KLRF1: variants seen among roughly 807,000 people sequenced by gnomAD.
The protein encoded by KLRF1 is killer cell lectin like receptor F1, also known as killer cell lectin-like receptor subfamily F member 1.
Under a neutral mutation model 30.7 loss-of-function variants are expected in KLRF1, and 27 were observed. The ratio of observed to expected loss-of-function variants is 0.88; its 90% CI spans 0.65 to 1.21. KLRF1 has a LOEUF of 1.21. KLRF1 is among the 50% of genes most tolerant of loss of function. The pLI is 0.00. For missense variants in KLRF1, 246 were observed against 259.3 expected (o/e 0.95, Z 0.35); for synonymous variants, 92 against 89.3 (o/e 1.03, Z -0.17).
At chr12:9,840,956 C>T (rs996106142) in intron 3 of KLRF1, among the ~76,000 whole-genome samples, 1 of 152,078 alleles carries the variant, frequency 6.6e-6, no homozygotes, top group Non-Finnish European at 1.5e-5. Context: ...TGGGTATATA[C>T]CCAAAGGAAC....
chr12:9,827,622 A>T lies in KLRF1; in HGVS notation c.78A>T (p.Thr26=), dbSNP rs1193781103. 1 of 1,586,448 alleles carries T rather than the reference A, an allele frequency of 6.3e-7. No individual in the cohort carries two copies. Among genetic ancestry groups the T allele is most frequent in the Admixed American group, 1.7e-5 (1 of 59,504 alleles). ...KRSSAQTSQL[T]FKDYSVTLHW... is the part of the protein sequence containing the mutation. ...GTTCTGCCCAAACATCTCAACTTAC[A>T]TTTAAAGGTATGGAATTTAATTTCA... Residue 26 remains threonine, a synonymous_variant, in exon 1 of 6, where the codon ACA becomes ACT. Coordinates refer to ENST00000617889, the MANE Select transcript of KLRF1 (RefSeq NM_016523.3).
At chr12:9,804,698 T>G in the KLRF1 span, among the ~76,000 whole-genome samples, 1 of 152,076 alleles carries the variant, frequency 6.6e-6, no homozygotes, top group African/African-American at 2.4e-5. Flanking sequence ...TGAGAGTAGA[T>G]ATCCTTGTCT....
the KLRF1 span, among the ~76,000 whole-genome samples, chr12:9,807,974 T>C: frequency 6.6e-6 from 1 of 152,116 alleles, no homozygotes; most frequent in African/African-American, 2.4e-5. Context: ...GTTGGGACAT[T>C]TCAACTTACA....
chr12:9,842,490 C>T (rs986263096), intron 5 of KLRF1, 57 bp downstream of exon 5: 71 of 1,497,416 alleles, frequency 4.7e-5, no homozygotes, highest in Non-Finnish European at 6.0e-5. Flanking sequence ...TATGTCTCCT[C>T]CAGGTTCACC....
upstream of KLRF1, chr12:9,827,414 A>G (rs1168692209): frequency 3.8e-6 from 2 of 519,654 alleles, no homozygotes; most frequent in East Asian, 3.2e-5. Flanking sequence ...GTGAACCCTC[A>G]TATGTACTGT....
At chr12:9,840,288 G>A (rs1472612171) in intron 3 of KLRF1, among the ~76,000 whole-genome samples, 1 of 152,034 alleles carries the variant, frequency 6.6e-6, no homozygotes, top group Non-Finnish European at 1.5e-5. Context: ...AACATTGTGG[G>A]TGTATTAAAA....
upstream of KLRF1, among the ~76,000 whole-genome samples, chr12:9,826,768 G>A (rs766094544): frequency 1.3e-5 from 2 of 152,258 alleles, no homozygotes; most frequent in East Asian, 1.9e-4. Flanking sequence ...ACTAATGGAG[G>A]AACAGAAAAC....
upstream of KLRF1, among the ~76,000 whole-genome samples, chr12:9,826,525 T>C (rs1259064863): frequency 1.3e-5 from 2 of 152,176 alleles, no homozygotes; most frequent in African/African-American, 4.8e-5. Context: ...CCATTACTGG[T>C]ATATACCCAA....
upstream of KLRF1, among the ~76,000 whole-genome samples, chr12:9,825,553 A>G (rs1867270620): frequency 1.3e-5 from 2 of 152,204 alleles, no homozygotes. Flanking sequence ...CAAAATATAA[A>G]AAACCCTGGA....
rs1867781687 is a variant in KLRF1 at position 9,844,998 on chromosome 12, T to G, written c.*472T>G. ...AGCTACAATAAACATCCTGAATGTTTTCTTAAATAGTAGCACCTTTATTTC... is the reference window on the plus strand; with the variant it reads ...AGCTACAATAAACATCCTGAATGTTGTCTTAAATAGTAGCACCTTTATTTC... On this transcript the variant is annotated 3_prime_UTR_variant, in exon 6 of 6. Coordinates refer to ENST00000617889, the MANE Select transcript of KLRF1 (RefSeq NM_016523.3). The G allele has an allele frequency of 6.6e-6, 1 of 152,220 alleles. No individual in the cohort carries two copies. The highest frequency in any genetic ancestry group is 1.5e-5 in the Non-Finnish European group (1 of 68,056). The allele number at this position is 152,220 out of a possible 1,614,324, so 9.4% of individuals were successfully genotyped here.
chr12:9,810,026 T>C, the KLRF1 span, among the ~76,000 whole-genome samples: 1 of 152,174 alleles, frequency 6.6e-6, no homozygotes, highest in Non-Finnish European at 1.5e-5. Context: ...CTAAATTTCA[T>C]CATTAAATCA....
chr12:9,822,600 G>T (rs763613369), upstream of KLRF1, among the ~76,000 whole-genome samples: 1 of 152,150 alleles, frequency 6.6e-6, no homozygotes, highest in Non-Finnish European at 1.5e-5. Context: ...ACAATGACAG[G>T]ATCAAATCCA....
the KLRF1 span, among the ~76,000 whole-genome samples, chr12:9,818,266 A>C: frequency 6.6e-6 from 1 of 152,152 alleles, no homozygotes; most frequent in African/African-American, 2.4e-5. Context: ...AGGATGTATC[A>C]ATTCTCCTCT....
chr12:9,837,241 CATA>C (rs1408398166), intron 3 of KLRF1, among the ~76,000 whole-genome samples: 2 of 151,930 alleles, frequency 1.3e-5, no homozygotes, highest in Non-Finnish European at 2.9e-5. Context: ...TTTCACTTAG[CATA>C]ATGTTTTTAA....
intron 3 of KLRF1, among the ~76,000 whole-genome samples, chr12:9,836,111 A>G (rs1481101224): frequency 6.6e-6 from 1 of 152,034 alleles, no homozygotes; most frequent in Non-Finnish European, 1.5e-5. Context: ...TGGCTAGGAG[A>G]GAATAAGTAA....
the KLRF1 span, among the ~76,000 whole-genome samples, chr12:9,810,052 G>A: frequency 6.6e-6 from 1 of 152,154 alleles, no homozygotes; most frequent in African/African-American, 2.4e-5. Context: ...ACTCAGAGTT[G>A]TGAATGACAA....
the KLRF1 span, among the ~76,000 whole-genome samples, chr12:9,809,260 A>G: frequency 6.6e-6 from 1 of 152,208 alleles, no homozygotes; most frequent in Non-Finnish European, 1.5e-5. Context: ...GTGTGAAGTA[A>G]TGAATTTTAG....
the KLRF1 span, chr12:9,817,537 AT>A: frequency 2.8e-6 from 1 of 362,160 alleles, no homozygotes; most frequent in Non-Finnish European, 5.6e-6. Context: ...AGCAAGAAAC[AT>A]CCAGGGACTT....
chr12:9,821,238 G>T, the KLRF1 span, among the ~76,000 whole-genome samples: 1 of 152,026 alleles, frequency 6.6e-6, no homozygotes, highest in Non-Finnish European at 1.5e-5. Context: ...CAATGCAGCT[G>T]CCCCACCCCC....
Sources: allele counts gnomAD v4.1 joint callset (sites outside exome capture counted in the v4.1 genomes callset), GRCh38; gene constraint gnomAD v4.1.1; transcripts MANE v1.5; gene names NCBI Gene and HGNC (gene_info 2026-07-23, HGNC 2026-07-21).